CHSY1: variants seen among roughly 807,000 people sequenced by gnomAD.
CHSY1 encodes the protein N-acetylgalactosaminyl-proteoglycan 3-beta-glucuronosyltransferase 1.
In CHSY1, 13 loss-of-function variants were observed where a neutral mutation model predicts 59.8. That is an observed-to-expected ratio of 0.22 (90% CI 0.14 to 0.35). The LOEUF is 0.35. CHSY1 is among the 10% of genes least tolerant of loss of function. The pLI is 1.00. For missense variants in CHSY1, 947 were observed against 1,030.6 expected, an observed-to-expected ratio of 0.92 and a Z score of 1.11; for synonymous variants, 459 against 401.2, an observed-to-expected ratio of 1.14 and a Z score of -1.72.
Position 101,198,108 on chromosome 15 carries a change from A to AC in CHSY1, c.817-19129dup, listed in dbSNP as rs567299372. On this transcript the variant is annotated intron_variant, in intron 2 of 2. Coordinates refer to ENST00000254190, the MANE Select transcript of CHSY1 (RefSeq NM_014918.5). The stretch of plus-strand genomic sequence containing the variant: ...TCTGTCCAGTTAGGTGTGAACCAAG[A>AC]CCCCCCCAAGCAGAGTGTGAGTGAG... Among the ~76,000 whole-genome samples the AC allele has an allele frequency of 1.5e-3, 232 of 151,282 alleles. 1 individual carries two copies. Among genetic ancestry groups the AC allele is most frequent in the African/African-American group, 5.0e-3 (205 of 41,138 alleles).
intron 2 of CHSY1, among the ~76,000 whole-genome samples, chr15:101,208,844 A>G (rs1285740891): frequency 6.6e-6 from 1 of 152,256 alleles, no homozygotes; most frequent in Non-Finnish European, 1.5e-5. Context: ...TAGGAATACA[A>G]GAGTGTATAC....
At chr15:101,237,888 T>C (rs995611854) in intron 1 of CHSY1, among the ~76,000 whole-genome samples, 1 of 152,282 alleles carries the variant, frequency 6.6e-6, no homozygotes, top group African/African-American at 2.4e-5. Flanking sequence ...TCAAATATTT[T>C]TTATTTTACC....
intron 2 of CHSY1, among the ~76,000 whole-genome samples, chr15:101,180,386 C>A (rs561040537): frequency 1.3e-5 from 2 of 152,290 alleles, no homozygotes; most frequent in African/African-American, 4.8e-5. Context: ...TTATGCTCCC[C>A]ACATGGCAGG....
chr15:101,185,915 G>C (rs1399760585), intron 2 of CHSY1, among the ~76,000 whole-genome samples: 1 of 151,740 alleles, frequency 6.6e-6, no homozygotes, highest in African/African-American at 2.4e-5. Context: ...CCATCTCCCT[G>C]CTTTCCCTCA....
At chr15:101,244,602 A>G (rs1444954513) in intron 1 of CHSY1, among the ~76,000 whole-genome samples, 1 of 152,226 alleles carries the variant, frequency 6.6e-6, no homozygotes, top group African/African-American at 2.4e-5. Context: ...AAGAATATAA[A>G]AGATCACTTG....
chr15:101,189,594 G>A, intron 2 of CHSY1: 1 of 355,788 alleles, frequency 2.8e-6, no homozygotes, highest in Non-Finnish European at 3.9e-6. Context: ...AAAGGGAAAG[G>A]GACAGAGAAA....
At chr15:101,211,529 G>T (rs546005866) in intron 2 of CHSY1, among the ~76,000 whole-genome samples, 1 of 152,120 alleles carries the variant, frequency 6.6e-6, no homozygotes, top group African/African-American at 2.4e-5. Flanking sequence ...TGCAAAAATG[G>T]GACAGAAGCA....
At position 101,176,690 on chromosome 15, in the gene CHSY1, G is replaced by T. The variant is rs3784525; in HGVS notation, c.*698C>A. The T allele has an allele frequency of 3.4e-6, 1 of 293,618 alleles. No homozygotes were observed. The highest frequency in any genetic ancestry group is 6.2e-6 in the Non-Finnish European group (1 of 161,158). 18.2% of individuals were successfully genotyped at this position (293,618 alleles called of 1,614,324 possible). On this transcript the variant is annotated 3_prime_UTR_variant, in exon 3 of 3. Transcript: ENST00000254190. ...GTGTGCCTGTAATCCCAGCTACTCG[G>T]GAGGCAAAGGCAGGGGAATTGCTTG...
intron 1 of CHSY1, among the ~76,000 whole-genome samples, chr15:101,237,819 T>G (rs1257747576): frequency 2.0e-5 from 3 of 152,192 alleles, no homozygotes; most frequent in African/African-American, 4.8e-5. Flanking sequence ...TCGTGGAGAA[T>G]AAATAAAATA....
intron 1 of CHSY1, 115 bp from the exon 2 acceptor site, chr15:101,235,692 T>C: frequency 8.5e-7 from 1 of 1,170,608 alleles, no homozygotes. Context: ...AAAAAGCTAC[T>C]TGGCCTGCTT....
intron 2 of CHSY1, among the ~76,000 whole-genome samples, chr15:101,217,686 TA>T (rs1476668535): frequency 6.6e-6 from 1 of 152,078 alleles, no homozygotes; most frequent in African/African-American, 2.4e-5. Flanking sequence ...AGCAACAAAA[TA>T]AAAGCGTATA....
chr15:101,177,107 G>C lies in CHSY1; in HGVS notation c.*281C>G. On this transcript the variant is annotated 3_prime_UTR_variant, in exon 3 of 3. Transcript: ENST00000254190. ...TTTTCTGCCATAGGACTGGAGCAAA[G>C]GGTCTCAAAAGAAAACATTTTTTTA... The C allele has an allele frequency of 3.1e-6, 1 of 319,950 alleles. No individual in the cohort carries two copies. Among genetic ancestry groups the C allele is most frequent in the Non-Finnish European group, 5.8e-6 (1 of 172,968 alleles). 19.8% of individuals were successfully genotyped at this position (319,950 alleles called of 1,614,324 possible).
intron 1 of CHSY1, among the ~76,000 whole-genome samples, chr15:101,236,239 T>C (rs1047813618): frequency 1.3e-5 from 2 of 152,178 alleles, no homozygotes; most frequent in Non-Finnish European, 2.9e-5. Context: ...AGAAGGCTGA[T>C]ACGGTTTGGC....
chr15:101,235,213 G>A lies in CHSY1; in HGVS notation c.685C>T (p.Arg229Trp), dbSNP rs757906025. ...GGCACCATTCTCCGAAGCACCTCCC[G>A]GCTCATGATCACGCCAGGCCCCCCC... The part of the protein sequence containing the change: ...CMGGPGVIMS[R>W]EVLRRMVPHI... Residue 229 changes from arginine (R) to tryptophan (W), a missense_variant, in exon 2 of 3, where the codon CGG becomes TGG. By Grantham distance (101) the Arg-to-Trp change is moderately radical. This residue lies in a region of CHSY1 where 108 missense variants were observed against 144.4 expected (regional missense o/e 0.75). Transcript: ENST00000254190. The A allele has an allele frequency of 1.8e-5, 29 of 1,613,770 alleles. No homozygotes were observed. The highest frequency in any genetic ancestry group is 2.4e-5 in the Non-Finnish European group (28 of 1,179,860).
rs575770146 is a variant in CHSY1 at position 101,189,504 on chromosome 15, G to A, written c.817-10524C>T. On this transcript the variant is annotated intron_variant, in intron 2 of 2. Coordinates refer to ENST00000254190, the MANE Select transcript of CHSY1 (RefSeq NM_014918.5). ...CGTGCCACACAGGCCCAGTGCAGCCGGGTTTAAAGGGAAGCTAGAAATCCA... is the reference window on the plus strand; with the variant it reads ...CGTGCCACACAGGCCCAGTGCAGCCAGGTTTAAAGGGAAGCTAGAAATCCA... 9 of 984,526 alleles carry A rather than the reference G, an allele frequency of 9.1e-6. No individual in the cohort carries two copies. The East Asian group carries it at 3.4e-4, about 37-fold the overall frequency. The allele number at this position is 984,526 out of a possible 1,614,324, so 61.0% of individuals were successfully genotyped here.
intron 2 of CHSY1, among the ~76,000 whole-genome samples, chr15:101,225,121 T>G (rs971359300): frequency 6.6e-6 from 1 of 152,244 alleles, no homozygotes; most frequent in African/African-American, 2.4e-5. Flanking sequence ...TGCCTTGGTG[T>G]GCAGTGGCAC....
chr15:101,216,718 T>G (rs1301041621), intron 2 of CHSY1, among the ~76,000 whole-genome samples: 1 of 152,176 alleles, frequency 6.6e-6, no homozygotes, highest in Admixed American at 6.5e-5. Flanking sequence ...GCCAAGGACC[T>G]AGCAGTTGGG....
At chr15:101,187,984 A>G (rs1441283783) in intron 2 of CHSY1, 1 of 981,026 alleles carries the variant, frequency 1.0e-6, no homozygotes, top group East Asian at 1.1e-4. Context: ...ATCTTTGGTT[A>G]ACAAATACCT....
intron 2 of CHSY1, among the ~76,000 whole-genome samples, chr15:101,193,229 G>A (rs957611646): frequency 1.3e-5 from 2 of 152,224 alleles, no homozygotes; most frequent in Non-Finnish European, 2.9e-5. Flanking sequence ...AACAAACAAG[G>A]AGTGTGTCAG....
Sources: gnomAD v4.1 joint callset for allele counts (sites outside exome capture counted in the v4.1 genomes callset) on GRCh38, gnomAD v4.1.1 for gene constraint, gnomAD v4.1.1 regional missense constraint, MANE v1.5 for transcripts, NCBI Gene and HGNC (gene_info 2026-07-23, HGNC 2026-07-21) for gene names.